The following SHISA9 variants were observed in gnomAD, a reference collection of about 807,000 sequenced individuals.
SHISA9 encodes protein shisa-9.
Under a neutral mutation model 38.0 loss-of-function variants are expected in SHISA9, and 13 were observed. The ratio of observed to expected loss-of-function variants is 0.34; its 90% CI spans 0.22 to 0.54. The LOEUF is 0.54. Among genes scored for constraint, SHISA9 ranks in the 20% least tolerant of loss-of-function variants. The probability of loss-of-function intolerance (pLI) is 0.91; values close to 1 mark genes in which losing one functional copy is unlikely to be tolerated. For missense variants in SHISA9, 538 were observed against 575.8 expected, an observed-to-expected ratio of 0.93 and a Z score of 0.67; for synonymous variants, 275 against 242.0, an observed-to-expected ratio of 1.14 and a Z score of -1.27.
chr16:13,558,286 G>C, the SHISA9 span, among the ~76,000 whole-genome samples: 1 of 152,120 alleles, frequency 6.6e-6, no homozygotes, highest in Non-Finnish European at 1.5e-5. Context: ...ACATCTCTGG[G>C]TGCAAATAAT....
the SHISA9 span, among the ~76,000 whole-genome samples, chr16:13,340,415 G>C: frequency 5.9e-5 from 9 of 152,268 alleles, no homozygotes; most frequent in Non-Finnish European, 1.3e-4. Flanking sequence ...GGGTATACTG[G>C]AGAATTCATC....
intron 2 of SHISA9, among the ~76,000 whole-genome samples, chr16:13,021,353 C>G (rs1259822588): frequency 1.3e-5 from 2 of 152,148 alleles, no homozygotes; most frequent in Non-Finnish European, 2.9e-5. Flanking sequence ...GAGAAACTAT[C>G]CAAACGGTAG....
the SHISA9 span, among the ~76,000 whole-genome samples, chr16:13,429,629 C>T: frequency 2.6e-5 from 4 of 152,202 alleles, no homozygotes; most frequent in Non-Finnish European, 4.4e-5. Flanking sequence ...AATAAGGTCA[C>T]ACTGTGATGA....
chr16:12,916,798 C>T lies in SHISA9; in HGVS notation c.674C>T (p.Thr225Ile). 6.4e-7 allele frequency: 1 copy of T among 1,551,710 alleles called. No homozygotes were observed. The highest frequency in any genetic ancestry group is 8.7e-7 in the Non-Finnish European group (1 of 1,146,970). ...VQHYENMDTR[T>I]PINNLHATQM... ...CATTATGAGAACATGGACACGAGAA[C>T]CCCCATAAATAATCTTCGTAAGTAC... The change falls in exon 2 of 5, where the codon ACC becomes ATC. Residue 225 changes from threonine to isoleucine, a missense_variant. Coordinates refer to ENST00000558583, the MANE Select transcript of SHISA9 (RefSeq NM_001145204.3).
chr16:13,331,706 A>G, the SHISA9 span: 1 of 152,160 alleles, frequency 6.6e-6, no homozygotes, highest in Non-Finnish European at 1.5e-5. Flanking sequence ...TTCAAGGATG[A>G]CTTCTCCTTT....
At chr16:13,095,825 C>T (rs2073820098) in intron 2 of SHISA9, among the ~76,000 whole-genome samples, 1 of 152,244 alleles carries the variant, frequency 6.6e-6, no homozygotes, top group Admixed American at 6.5e-5. Context: ...CAATGGCTCT[C>T]AAACTTGAGC....
chr16:13,538,915 T>C, the SHISA9 span, among the ~76,000 whole-genome samples: 1 of 151,972 alleles, frequency 6.6e-6, no homozygotes, highest in Non-Finnish European at 1.5e-5. Flanking sequence ...ATGAGAAATA[T>C]GTAAAGAGAT....
At chr16:13,208,061 T>C (rs1333037916) in intron 3 of SHISA9, among the ~76,000 whole-genome samples, 1 of 152,236 alleles carries the variant, frequency 6.6e-6, no homozygotes, top group Non-Finnish European at 1.5e-5. Flanking sequence ...TCAGAGGCTC[T>C]GTCTCACTCA....
chr16:13,082,932 C>G (rs951495806), intron 2 of SHISA9, among the ~76,000 whole-genome samples: 1 of 152,130 alleles, frequency 6.6e-6, no homozygotes, highest in East Asian at 1.9e-4. Context: ...CCTTCATTGC[C>G]TTTTGATGTA....
At chr16:12,921,821 A>G (rs2071332622) in intron 2 of SHISA9, among the ~76,000 whole-genome samples, 1 of 152,234 alleles carries the variant, frequency 6.6e-6, no homozygotes, top group African/African-American at 2.4e-5. Context: ...AGACAAAATG[A>G]TAAGTATAGA....
chr16:12,912,790 G>C (rs1464118461), intron 1 of SHISA9, among the ~76,000 whole-genome samples: 1 of 152,200 alleles, frequency 6.6e-6, no homozygotes, highest in African/African-American at 2.4e-5. Flanking sequence ...TTCACTCTGT[G>C]AAACAGGTGA....
At chr16:13,137,744 G>A (rs142748310) in intron 2 of SHISA9, among the ~76,000 whole-genome samples, 2,632 of 152,196 alleles carry the variant, frequency 0.017, 33 homozygotes, top group Non-Finnish European at 0.028. Context: ...ATGAGCCACC[G>A]CACCTGGCTG....
intron 2 of SHISA9, among the ~76,000 whole-genome samples, chr16:12,989,351 T>C (rs1433001142): frequency 6.6e-6 from 1 of 152,076 alleles, no homozygotes; most frequent in Admixed American, 6.5e-5. Flanking sequence ...CTAATTTTTG[T>C]ATTTTTAGTA....
intron 2 of SHISA9, among the ~76,000 whole-genome samples, chr16:13,116,681 C>A (rs1417532989): frequency 2.0e-5 from 3 of 152,124 alleles, no homozygotes; most frequent in African/African-American, 4.8e-5. Flanking sequence ...TCCAGGTAGT[C>A]CTGGGTTCCA....
At chr16:12,907,643 C>T (rs1009698711) in intron 1 of SHISA9, among the ~76,000 whole-genome samples, 2 of 152,162 alleles carry the variant, frequency 1.3e-5, no homozygotes, top group Non-Finnish European at 2.9e-5. Context: ...TTTTGCACAT[C>T]GGGACCCAGC....
At chr16:13,446,639 G>A in the SHISA9 span, among the ~76,000 whole-genome samples, 1 of 152,106 alleles carries the variant, frequency 6.6e-6, no homozygotes, top group South Asian at 2.1e-4. Flanking sequence ...TTGAGACTGT[G>A]TGTGTATGTG....
At chr16:13,160,257 GGAGA>G (rs149010370) in intron 2 of SHISA9, among the ~76,000 whole-genome samples, 1 of 151,492 alleles carries the variant, frequency 6.6e-6, no homozygotes, top group Admixed American at 6.6e-5. Flanking sequence ...GAGCAATGAG[GGAGA>G]GAGAGAGAGA....
chr16:13,165,480 A>T (rs1202529181), intron 2 of SHISA9, among the ~76,000 whole-genome samples: 1 of 152,204 alleles, frequency 6.6e-6, no homozygotes, highest in African/African-American at 2.4e-5. Flanking sequence ...GATTTATTTT[A>T]AGAAGAGTTA....
chr16:13,203,472 T>C lies in SHISA9; in HGVS notation c.770T>C (p.Leu257Pro), dbSNP rs1482766043. 3.2e-6 allele frequency: 5 copies of C among 1,551,220 alleles called. No individual in the cohort carries two copies. Among genetic ancestry groups the C allele is most frequent in the Non-Finnish European group, 4.4e-6 (5 of 1,146,740 alleles). The change falls in exon 3 of 5, where the codon CTG (leucine) becomes CCG (proline). Residue 257 changes from leucine (L) to proline (P), a missense_variant. Leu to Pro is a moderately conservative substitution (Grantham distance 98). Around this residue, in one of 4 missense-constraint regions of SHISA9, gnomAD observed 326 missense variants for 305.9 expected, o/e 1.07. Transcript: ENST00000558583. Reference sequence around the variant, plus strand: ...GGCCATCCACATTCGTACCCGAACCTGGGCCAGATCTCCAACCCCTATGAA... The same window carrying C: ...GGCCATCCACATTCGTACCCGAACCCGGGCCAGATCTCCAACCCCTATGAA... ...QMGHPHSYPN[L>P]GQISNPYEQQ...
Sources: gnomAD v4.1 joint callset for allele counts (sites outside exome capture counted in the v4.1 genomes callset) on GRCh38, gnomAD v4.1.1 for gene constraint, gnomAD v4.1.1 regional missense constraint, MANE v1.5 for transcripts, NCBI Gene and HGNC (gene_info 2026-07-23, HGNC 2026-07-21) for gene names.